SKAP1: variants seen among roughly 807,000 people sequenced by gnomAD.
The protein encoded by SKAP1 is src kinase-associated phosphoprotein 1.
Under a neutral mutation model 58.5 loss-of-function variants are expected in SKAP1, and 44 were observed. That is an observed-to-expected ratio of 0.75 (90% CI 0.59 to 0.97). SKAP1 has a LOEUF of 0.97. Among genes scored for constraint, SKAP1 ranks in the 50% least tolerant of loss-of-function variants. The pLI, the probability that SKAP1 is intolerant of heterozygous loss-of-function variation, is 0.00. For missense variants in SKAP1, 390 were observed against 435.2 expected, an observed-to-expected ratio of 0.90 and a Z score of 0.92; for synonymous variants, 127 against 149.7, an observed-to-expected ratio of 0.85 and a Z score of 1.11.
intron 1 of SKAP1, among the ~76,000 whole-genome samples, chr17:48,416,252 C>G (rs1330471023): frequency 6.6e-6 from 1 of 151,880 alleles, no homozygotes; most frequent in Non-Finnish European, 1.5e-5. Context: ...CTTTATCTTG[C>G]AGACACTTCA....
chr17:48,281,259 C>T (rs561809835), intron 4 of SKAP1, among the ~76,000 whole-genome samples: 140 of 152,246 alleles, frequency 9.2e-4, no homozygotes, highest in African/African-American at 3.3e-3. Context: ...CTCCTGACCT[C>T]GTGATCCACC....
chr17:48,156,494 T>G (rs1338531929), intron 11 of SKAP1: 2 of 526,880 alleles, frequency 3.8e-6, no homozygotes, highest in Admixed American at 3.9e-5. Flanking sequence ...TTGAGCTGCA[T>G]CCTGGCTCCG....
At chr17:48,250,573 G>T (rs1030137033) in intron 4 of SKAP1, among the ~76,000 whole-genome samples, 1 of 151,842 alleles carries the variant, frequency 6.6e-6, no homozygotes, top group Non-Finnish European at 1.5e-5. Context: ...CAGCCACCAC[G>T]CCTGGCCATA....
intron 4 of SKAP1, among the ~76,000 whole-genome samples, chr17:48,309,559 C>T (rs2066194130): frequency 6.6e-6 from 1 of 150,960 alleles, no homozygotes; most frequent in South Asian, 2.1e-4. Flanking sequence ...GGAAGGGTCT[C>T]TATGCACAGA....
chr17:48,195,636 C>T (rs902951797), intron 4 of SKAP1, among the ~76,000 whole-genome samples: 11 of 152,150 alleles, frequency 7.2e-5, no homozygotes, highest in African/African-American at 1.4e-4. Context: ...ATGAACACAA[C>T]GTACTTAATC....
chr17:48,254,923 T>C (rs1286154605), intron 4 of SKAP1, among the ~76,000 whole-genome samples: 2 of 152,120 alleles, frequency 1.3e-5, no homozygotes, highest in Non-Finnish European at 2.9e-5. Context: ...AATTTTCTTA[T>C]AGCTTGGGCT....
chr17:48,170,234 G>A (rs1039526590), intron 10 of SKAP1, among the ~76,000 whole-genome samples: 1 of 152,108 alleles, frequency 6.6e-6, no homozygotes, highest in South Asian at 2.1e-4. Context: ...CAATCTCCGG[G>A]CCTCTCAGAG....
At chr17:48,400,472 T>C (rs116624319) in intron 1 of SKAP1, among the ~76,000 whole-genome samples, 20,623 of 151,972 alleles carry the variant, frequency 0.14, 1,749 homozygotes, top group Non-Finnish European at 0.19. Flanking sequence ...TAAGATAGCA[T>C]GTAGGATGGG....
intron 2 of SKAP1, among the ~76,000 whole-genome samples, chr17:48,383,692 C>T (rs1392414704): frequency 6.7e-6 from 1 of 150,152 alleles, no homozygotes; most frequent in African/African-American, 2.5e-5. Flanking sequence ...ACTGAATATC[C>T]TTCAACTCTT....
chr17:48,243,936 C>G (rs2065267963), intron 4 of SKAP1, among the ~76,000 whole-genome samples: 1 of 151,906 alleles, frequency 6.6e-6, no homozygotes. Context: ...TTTTAAATGT[C>G]TCCTCCTCTA....
intron 1 of SKAP1, among the ~76,000 whole-genome samples, chr17:48,410,873 G>C (rs1474706298): frequency 7.4e-6 from 1 of 134,738 alleles, no homozygotes; most frequent in Non-Finnish European, 1.5e-5. Flanking sequence ...GTTGCAGTGA[G>C]CCAAGATCAC....
intron 4 of SKAP1, among the ~76,000 whole-genome samples, chr17:48,218,516 C>T (rs2064966746): frequency 6.6e-6 from 1 of 152,106 alleles, no homozygotes; most frequent in Non-Finnish European, 1.5e-5. Context: ...TGTAACTGTC[C>T]TTAGCAAAAT....
chr17:48,222,814 C>G (rs1200079064), intron 4 of SKAP1, among the ~76,000 whole-genome samples: 12 of 151,252 alleles, frequency 7.9e-5, no homozygotes, highest in Non-Finnish European at 2.9e-5. Flanking sequence ...ACCTGTAATG[C>G]CAGCACTTTG....
chr17:48,350,935 TATAA>T (rs1280419645), intron 3 of SKAP1, among the ~76,000 whole-genome samples: 1 of 152,182 alleles, frequency 6.6e-6, no homozygotes. Context: ...ACTAAAATGC[TATAA>T]ATAAAGCTCC....
intron 4 of SKAP1, among the ~76,000 whole-genome samples, chr17:48,245,970 G>A (rs936749552): frequency 5.3e-5 from 8 of 151,910 alleles, no homozygotes; most frequent in Non-Finnish European, 1.0e-4. Flanking sequence ...GCTAGACTCC[G>A]TCTCAAAACA....
chr17:48,287,424 G>C (rs2065844678), intron 4 of SKAP1, among the ~76,000 whole-genome samples: 1 of 151,828 alleles, frequency 6.6e-6, no homozygotes, highest in African/African-American at 2.4e-5. Flanking sequence ...CTAACTAAAA[G>C]AGTGTACACA....
Position 48,181,940 on chromosome 17 carries a change from T to C in SKAP1, c.631+454A>G, listed in dbSNP as rs547260773. 2.6e-5 allele frequency among the ~76,000 whole-genome samples: 4 copies of C among 152,300 alleles called. No homozygotes were observed. The East Asian group carries it at 7.7e-4, about 29-fold the overall frequency. ...GGCTTGGGAAATAACAGTTTGTTTT[T>C]AATGTCCAATGTCCCTGAAGACCAT... On this transcript the variant is annotated intron_variant, in intron 8 of 12. Transcript: ENST00000336915.
In SKAP1 at chr17:48,162,463, C is replaced by A. The variant is rs748386858; in HGVS notation, c.978+6G>T. The A allele has an allele frequency of 6.2e-7, 1 of 1,607,400 alleles. No individual in the cohort carries two copies. Among genetic ancestry groups the A allele is most frequent in the Non-Finnish European group, 8.5e-7 (1 of 1,174,582 alleles). Reference sequence around the variant, plus strand: ...TCTATTTAAGCCCCACACTTTCTGTCCTTACCTTGCTCAGAATACGGATGA... The same window carrying A: ...TCTATTTAAGCCCCACACTTTCTGTACTTACCTTGCTCAGAATACGGATGA... On this transcript the variant is annotated splice_donor_region_variant and intron_variant, in intron 11 of 12. Coordinates refer to ENST00000336915, the MANE Select transcript of SKAP1 (RefSeq NM_003726.4).
intron 2 of SKAP1, among the ~76,000 whole-genome samples, chr17:48,387,916 A>C (rs2067297974): frequency 6.6e-6 from 1 of 152,210 alleles, no homozygotes; most frequent in Admixed American, 6.5e-5. Flanking sequence ...AGTTTTAAAG[A>C]AGTACAAAAG....
Sources: allele counts gnomAD v4.1 joint callset (sites outside exome capture counted in the v4.1 genomes callset), GRCh38; gene constraint gnomAD v4.1.1; transcripts MANE v1.5; gene names NCBI Gene and HGNC (gene_info 2026-07-23, HGNC 2026-07-21).